The following TMEM178A variants were observed in gnomAD, a reference collection of about 807,000 sequenced individuals.
TMEM178A encodes the protein transmembrane protein 178A.
Under a neutral mutation model 29.1 loss-of-function variants are expected in TMEM178A, and 12 were observed. That is an observed-to-expected ratio of 0.41 (90% confidence interval 0.26 to 0.67). The LOEUF (loss-of-function observed/expected upper bound fraction) is 0.67. Among genes scored for constraint, TMEM178A ranks in the 30% least tolerant of loss-of-function variants. TMEM178A has a pLI of 0.29. For synonymous variants in TMEM178A, 210 were observed against 187.2 expected (o/e 1.12, Z -0.99); for missense variants, 366 against 419.1 (o/e 0.87, Z 1.11).
intron 2 of TMEM178A, 59 bp downstream of exon 2, chr2:39,704,253 A>T: frequency 7.1e-7 from 1 of 1,409,558 alleles, no homozygotes. Context: ...CAAAATTCCC[A>T]CCACCCCTCT....
At chr2:39,679,425 G>A (rs1056832302) in intron 1 of TMEM178A, among the ~76,000 whole-genome samples, 3 of 151,844 alleles carry the variant, frequency 2.0e-5, no homozygotes, top group African/African-American at 7.3e-5. Context: ...GTGGTAGATG[G>A]GTAAAATGCT....
chr2:39,720,611 T>C (rs1388992444), downstream of TMEM178A, among the ~76,000 whole-genome samples: 1 of 152,190 alleles, frequency 6.6e-6, no homozygotes, highest in Non-Finnish European at 1.5e-5. Context: ...TGGCAACCCA[T>C]AACCAGATCA....
At chr2:39,685,487 A>AG (rs1671038726) in intron 1 of TMEM178A, among the ~76,000 whole-genome samples, 1 of 152,124 alleles carries the variant, frequency 6.6e-6, no homozygotes, top group Non-Finnish European at 1.5e-5. Context: ...CTAGACTCTA[A>AG]GCTCTGTGAG....
chr2:39,682,878 G>A (rs552410739), intron 1 of TMEM178A, among the ~76,000 whole-genome samples: 1 of 152,280 alleles, frequency 6.6e-6, no homozygotes, highest in East Asian at 1.9e-4. Flanking sequence ...TGACAGGTGT[G>A]AGCAGATCTC....
At chr2:39,705,636 C>A (rs1671992560) in intron 2 of TMEM178A, among the ~76,000 whole-genome samples, 1 of 152,144 alleles carries the variant, frequency 6.6e-6, no homozygotes, top group Non-Finnish European at 1.5e-5. Flanking sequence ...AATGAGAAAT[C>A]CCTCTTTAAA....
chr2:39,675,712 A>AT (rs370795371), intron 1 of TMEM178A, among the ~76,000 whole-genome samples: 2,755 of 149,536 alleles, frequency 0.018, 75 homozygotes, highest in African/African-American at 0.062. Flanking sequence ...AATGCCAGAC[A>AT]TTTTTTTTTT....
chr2:39,699,918 A>G (rs1372053833), intron 1 of TMEM178A, among the ~76,000 whole-genome samples: 3 of 151,976 alleles, frequency 2.0e-5, no homozygotes, highest in Non-Finnish European at 4.4e-5. Flanking sequence ...GTTATTTAGG[A>G]GTATATTACT....
intron 1 of TMEM178A, among the ~76,000 whole-genome samples, chr2:39,685,423 G>A (rs528381557): frequency 1.3e-5 from 2 of 152,306 alleles, no homozygotes; most frequent in African/African-American, 4.8e-5. Flanking sequence ...TTATGTCAGA[G>A]TTGTAATTTG....
At chr2:39,675,142 A>C (rs1250262497) in intron 1 of TMEM178A, among the ~76,000 whole-genome samples, 1 of 152,168 alleles carries the variant, frequency 6.6e-6, no homozygotes, top group African/African-American at 2.4e-5. Flanking sequence ...TATGAGACAG[A>C]ATATATTGCT....
intron 1 of TMEM178A, among the ~76,000 whole-genome samples, chr2:39,672,241 A>C (rs986283973): frequency 6.6e-6 from 1 of 152,238 alleles, no homozygotes; most frequent in African/African-American, 2.4e-5. Context: ...TTGTCTTTTA[A>C]AAGTGATTTA....
chr2:39,728,606 G>T, the TMEM178A span, among the ~76,000 whole-genome samples: 5 of 151,864 alleles, frequency 3.3e-5, no homozygotes. Flanking sequence ...TAATATTAAA[G>T]ATATTTTAGC....
intron 3 of TMEM178A, among the ~76,000 whole-genome samples, chr2:39,714,051 T>C (rs1672429181): frequency 6.6e-6 from 1 of 152,212 alleles, no homozygotes; most frequent in South Asian, 2.1e-4. Flanking sequence ...GTGGCAGCTA[T>C]GCATGTGCAA....
At chr2:39,667,474 C>T (rs975793898) in intron 1 of TMEM178A, among the ~76,000 whole-genome samples, 35 of 150,546 alleles carry the variant, frequency 2.3e-4, no homozygotes, top group African/African-American at 8.1e-4. Context: ...AACATCTCTT[C>T]TCTTGGACTC....
intron 3 of TMEM178A, among the ~76,000 whole-genome samples, chr2:39,708,889 C>T (rs987871283): frequency 2.0e-5 from 3 of 152,160 alleles, no homozygotes; most frequent in African/African-American, 7.2e-5. Flanking sequence ...TCCTCCTTCA[C>T]AGAAAACTCG....
intron 1 of TMEM178A, chr2:39,687,467 C>T (rs926386277): frequency 6.0e-6 from 1 of 167,056 alleles, no homozygotes; most frequent in Non-Finnish European, 1.5e-5. Flanking sequence ...GGGGCTCATG[C>T]ATGTCTAGGG....
intron 1 of TMEM178A, among the ~76,000 whole-genome samples, chr2:39,686,737 C>T (rs1221886802): frequency 6.6e-6 from 1 of 152,062 alleles, no homozygotes; most frequent in East Asian, 1.9e-4. Flanking sequence ...GGGTGCTAAC[C>T]TCTGATTTTG....
intron 1 of TMEM178A, among the ~76,000 whole-genome samples, chr2:39,691,522 G>A (rs537231411): frequency 7.2e-5 from 11 of 152,090 alleles, no homozygotes; most frequent in Non-Finnish European, 1.3e-4. Context: ...AGAGAACCGT[G>A]GTACACTGCT....
At chr2:39,685,019 C>T (rs145681183) in intron 1 of TMEM178A, among the ~76,000 whole-genome samples, 13 of 152,300 alleles carry the variant, frequency 8.5e-5, no homozygotes, top group Non-Finnish European at 1.6e-4. Flanking sequence ...ATTACTGCCT[C>T]TAATCTGTTC....
intron 1 of TMEM178A, among the ~76,000 whole-genome samples, chr2:39,666,970 C>T (rs1413539437): frequency 6.6e-6 from 1 of 152,222 alleles, no homozygotes; most frequent in African/African-American, 2.4e-5. Flanking sequence ...CCGGAACCTT[C>T]CTTCATACCC....
Sources: allele counts gnomAD v4.1 joint callset (sites outside exome capture counted in the v4.1 genomes callset), GRCh38; gene constraint gnomAD v4.1.1; transcripts MANE v1.5; gene names NCBI Gene and HGNC (gene_info 2026-07-23, HGNC 2026-07-21).